Variants in KIRREL1 observed in about 807,000 individuals in gnomAD.
The protein encoded by KIRREL1 is kin of IRRE-like protein 1.
Under a neutral mutation model 83.3 loss-of-function variants are expected in KIRREL1, and 25 were observed. The observed-to-expected ratio is 0.30, with a 90% confidence interval of 0.22 to 0.42. The LOEUF is 0.42. Ranked by LOEUF, KIRREL1 falls within the 10% of genes least tolerant of loss-of-function variation. KIRREL1 has a pLI of 1.00. For missense variants in KIRREL1, 812 were observed against 1,032.3 expected, an observed-to-expected ratio of 0.79 and a Z score of 2.92; for synonymous variants, 388 against 410.4, an observed-to-expected ratio of 0.95 and a Z score of 0.66.
At position 158,093,401 on chromosome 1, in the gene KIRREL1, T is replaced by G; in HGVS notation, c.1534T>G (p.Phe512Val). 1 of 1,614,250 alleles carries G rather than the reference T, an allele frequency of 6.2e-7. No individual in the cohort carries two copies. The highest frequency in any genetic ancestry group is 8.5e-7 in the Non-Finnish European group (1 of 1,180,058). The change falls in exon 12 of 15, where the codon TTC becomes GTC. Residue 512 changes from phenylalanine (F) to valine (V), a missense_variant. By Grantham distance (50) the Phe-to-Val change is conservative. Around this residue, in one of 3 missense-constraint regions of KIRREL1, gnomAD observed 334 missense variants for 383.7 expected, o/e 0.87. Transcript: ENST00000359209. ...CGGCGCGAGCATCCTGCTCATCTTC[T>G]TCTTCATCGCCTTGGTATTCTTCCT... The part of the protein sequence containing the change: ...TIGASILLIF[F>V]FIALVFFLYR...
At chr1:158,024,244 C>T (rs1037143880) in intron 1 of KIRREL1, among the ~76,000 whole-genome samples, 1 of 149,302 alleles carries the variant, frequency 6.7e-6, no homozygotes, top group African/African-American at 2.5e-5. Flanking sequence ...CCACTGCGCC[C>T]GGCCTGGTTT....
chr1:158,072,871 G>C (rs970261688), intron 1 of KIRREL1, among the ~76,000 whole-genome samples: 1 of 44,862 alleles, frequency 2.2e-5, no homozygotes, highest in African/African-American at 5.2e-5. Flanking sequence ...TGGCTGATCA[G>C]TTAGCAGGAA....
Position 158,002,279 on chromosome 1 carries a change from C to G in KIRREL1, c.52+8551C>G, listed in dbSNP as rs552031488. Among the ~76,000 whole-genome samples the G allele has an allele frequency of 2.6e-5, 4 of 152,216 alleles. 1 individual carries two copies. The highest frequency in any genetic ancestry group is 5.9e-5 in the Non-Finnish European group (4 of 68,042). Reference sequence around the variant, plus strand: ...AGGCCAGGCTCTTTGTTACCTGTCCCCCCCAAGCTTGGGCCATGTCTACAC... The same window carrying G: ...AGGCCAGGCTCTTTGTTACCTGTCCGCCCCAAGCTTGGGCCATGTCTACAC... On this transcript the variant is annotated intron_variant, in intron 1 of 14. Transcript: ENST00000359209.
At chr1:158,010,439 A>ACACACACACACACC (rs1659651482) in intron 1 of KIRREL1, among the ~76,000 whole-genome samples, 1 of 149,202 alleles carries the variant, frequency 6.7e-6, no homozygotes, top group African/African-American at 2.5e-5. Context: ...ACACACACAC[A>ACACACACACACACC]CACACACACA....
intron 2 of KIRREL1, among the ~76,000 whole-genome samples, chr1:158,077,258 G>T (rs985004947): frequency 6.6e-6 from 1 of 152,014 alleles, no homozygotes; most frequent in African/African-American, 2.4e-5. Flanking sequence ...AAAGAGATGG[G>T]TCTGGTAGAT....
At chr1:158,012,368 G>A (rs187932753) in intron 1 of KIRREL1, among the ~76,000 whole-genome samples, 60 of 152,262 alleles carry the variant, frequency 3.9e-4, no homozygotes, top group African/African-American at 1.0e-3. Flanking sequence ...CCTCCTACCC[G>A]TGTGACCTTG....
intron 1 of KIRREL1, among the ~76,000 whole-genome samples, chr1:157,997,074 T>C (rs1160576533): frequency 6.6e-6 from 1 of 152,204 alleles, no homozygotes; most frequent in African/African-American, 2.4e-5. Context: ...TTTTATCCTA[T>C]AGTTTCTGGT....
chr1:158,064,319 C>T lies in KIRREL1; in HGVS notation c.53-11794C>T, dbSNP rs995233018. Among the ~76,000 whole-genome samples the T allele has an allele frequency of 9.2e-5, 14 of 152,298 alleles. No homozygotes were observed. The South Asian group carries it at 2.7e-3, about 29-fold the overall frequency. ...CATGGGGAAAAGGTTTTACTTATAC[C>T]TTTGACTTCCATCCTAGACTGTTTT... is the stretch of plus-strand genomic sequence containing the variant. On this transcript the variant is annotated intron_variant, in intron 1 of 14. Transcript: ENST00000359209.
At chr1:158,035,555 A>G (rs1282106228) in intron 1 of KIRREL1, among the ~76,000 whole-genome samples, 1 of 152,128 alleles carries the variant, frequency 6.6e-6, no homozygotes, top group Admixed American at 6.6e-5. Flanking sequence ...CTTACTGTTG[A>G]CCTATTTATT....
rs1326706738 is a variant in KIRREL1 at position 158,087,997 on chromosome 1, C to T, written c.768-9C>T. On this transcript the variant is annotated splice_polypyrimidine_tract_variant and intron_variant, in intron 6 of 14. Transcript: ENST00000359209. ...CCTGATCCCACCTCTGTGTTGCCTC[C>T]TCCCCTAGGTGGGCCAAAGGGGGTT... The T allele has an allele frequency of 6.2e-7, 1 of 1,614,072 alleles. No individual in the cohort carries two copies. Among genetic ancestry groups the T allele is most frequent in the South Asian group, 1.1e-5 (1 of 91,072 alleles).
At chr1:158,038,817 G>A (rs1426988876) in intron 1 of KIRREL1, among the ~76,000 whole-genome samples, 1 of 152,214 alleles carries the variant, frequency 6.6e-6, no homozygotes, top group Non-Finnish European at 1.5e-5. Flanking sequence ...GTTCACGGCT[G>A]TAACTTCAGA....
At chr1:158,015,350 G>C (rs1012295456) in intron 1 of KIRREL1, among the ~76,000 whole-genome samples, 1 of 152,166 alleles carries the variant, frequency 6.6e-6, no homozygotes, top group African/African-American at 2.4e-5. Flanking sequence ...CCTGCCCGCT[G>C]TTATCACCCA....
chr1:158,006,076 G>C (rs184062990), intron 1 of KIRREL1, among the ~76,000 whole-genome samples: 1 of 152,208 alleles, frequency 6.6e-6, no homozygotes, highest in Non-Finnish European at 1.5e-5. Flanking sequence ...GCAAAGTACA[G>C]ATGGGGCGAG....
chr1:158,031,537 C>A (rs1300696686), intron 1 of KIRREL1, among the ~76,000 whole-genome samples: 2 of 152,206 alleles, frequency 1.3e-5, no homozygotes, highest in Non-Finnish European at 2.9e-5. Context: ...CACCACCTTC[C>A]TCATCAGAGA....
chr1:158,089,614 C>G lies in KIRREL1; in HGVS notation c.1157C>G (p.Pro386Arg). ...PRIGVAEREVPLYVNGPPIIS... is the reference protein window; with the variant it reads ...PRIGVAEREVRLYVNGPPIIS... Reference sequence around the variant, plus strand: ...ATCGGAGTGGCTGAGCGGGAGGTGCCGCTCTATGTGAACGGTGAGTGAGTG... The same window carrying G: ...ATCGGAGTGGCTGAGCGGGAGGTGCGGCTCTATGTGAACGGTGAGTGAGTG... The change falls in exon 9 of 15, where the codon CCG becomes CGG. Residue 386 changes from proline to arginine, a missense_variant. Transcript: ENST00000359209. 6.2e-7 allele frequency: 1 copy of G among 1,613,584 alleles called. No individual in the cohort carries two copies. Among genetic ancestry groups the G allele is most frequent in the African/African-American group, 1.3e-5 (1 of 75,042 alleles).
At chr1:158,002,377 C>A (rs1245143700) in intron 1 of KIRREL1, among the ~76,000 whole-genome samples, 1 of 152,224 alleles carries the variant, frequency 6.6e-6, no homozygotes, top group Admixed American at 6.5e-5. Context: ...AGGGTCAATT[C>A]TGGGCCATTT....
At chr1:158,007,017 G>A (rs1377163563) in intron 1 of KIRREL1, among the ~76,000 whole-genome samples, 2 of 152,198 alleles carry the variant, frequency 1.3e-5, no homozygotes, top group Non-Finnish European at 2.9e-5. Context: ...GGGATGGGGT[G>A]CCTGCCTTTG....
chr1:158,023,467 T>C (rs1660061827), intron 1 of KIRREL1, among the ~76,000 whole-genome samples: 2 of 152,138 alleles, frequency 1.3e-5, no homozygotes, highest in South Asian at 2.1e-4. Context: ...CAGTCTCAAA[T>C]ATAGCAAAGA....
chr1:158,032,248 C>T (rs933741253), intron 1 of KIRREL1, among the ~76,000 whole-genome samples: 5 of 152,152 alleles, frequency 3.3e-5, no homozygotes, highest in Non-Finnish European at 7.4e-5. Context: ...ATTCTCATGG[C>T]TTCCACAGGG....
Sources: allele counts gnomAD v4.1 joint callset (sites outside exome capture counted in the v4.1 genomes callset), GRCh38; gene constraint gnomAD v4.1.1; regional missense constraint gnomAD v4.1.1; transcripts MANE v1.5; gene names NCBI Gene and HGNC (gene_info 2026-07-23, HGNC 2026-07-21).